Variants in PDK1 observed in about 807,000 individuals in gnomAD.
PDK1 encodes pyruvate dehydrogenase kinase 1, also known as [Pyruvate dehydrogenase (acetyl-transferring)] kinase isozyme 1, mitochondrial.
Under a neutral mutation model 54.2 loss-of-function variants are expected in PDK1, and 39 were observed. That is an observed-to-expected ratio of 0.72 (90% confidence interval 0.56 to 0.94). The LOEUF (loss-of-function observed/expected upper bound fraction) is 0.94. PDK1 is among the 40% of genes least tolerant of loss of function. The probability of loss-of-function intolerance (pLI) is 0.00; values close to 1 mark genes in which losing one functional copy is unlikely to be tolerated. For missense variants in PDK1, 552 were observed against 566.0 expected (o/e 0.98, Z 0.25); for synonymous variants, 221 against 207.1 (o/e 1.07, Z -0.58).
At chr2:172,681,075 G>A in the PDK1 span, among the ~76,000 whole-genome samples, 1 of 152,208 alleles carries the variant, frequency 6.6e-6, no homozygotes, top group Non-Finnish European at 1.5e-5. Flanking sequence ...GCTAGATATT[G>A]TGATCTCTCT....
At position 172,558,810 on chromosome 2, in the gene PDK1, A is replaced by G; in HGVS notation, c.299A>G (p.Asn100Ser). 6.2e-7 allele frequency: 1 copy of G among 1,611,912 alleles called. No homozygotes were observed. The highest frequency in any genetic ancestry group is 1.3e-5 in the African/African-American group (1 of 74,860). ...IMKEISLLPD[N>S]LLRTPSVQLV... ...AAAGAAATAAGTCTCCTTCCAGATA[A>G]TCTTCTCAGGACACCATCCGTTCAA... The change falls in exon 2 of 11, where the codon AAT (asparagine) becomes AGT (serine). Residue 100 changes from asparagine (N) to serine (S), a missense_variant. Transcript: ENST00000282077.
chr2:172,691,946 A>G, the PDK1 span, among the ~76,000 whole-genome samples: 1 of 152,250 alleles, frequency 6.6e-6, no homozygotes, highest in Non-Finnish European at 1.5e-5. Context: ...ATTGGATAGT[A>G]TAGTAAGAAT....
the PDK1 span, among the ~76,000 whole-genome samples, chr2:172,711,198 A>G: frequency 1.3e-5 from 2 of 152,232 alleles, no homozygotes; most frequent in Non-Finnish European, 2.9e-5. Flanking sequence ...GTTTAGCATT[A>G]ATAGTGACAT....
the PDK1 span, among the ~76,000 whole-genome samples, chr2:172,646,420 A>G: frequency 0.016 from 2,395 of 152,264 alleles, 64 homozygotes; most frequent in African/African-American, 0.055. Context: ...AGAGGCACCA[A>G]GTAATCTGTT....
intron 1 of PDK1, chr2:172,558,149 T>G (rs925144279): frequency 2.4e-4 from 36 of 152,372 alleles, no homozygotes; most frequent in African/African-American, 8.4e-4. Flanking sequence ...TAATTTATTT[T>G]TTTAAGGCTG....
At chr2:172,700,221 T>C in the PDK1 span, among the ~76,000 whole-genome samples, 1 of 152,204 alleles carries the variant, frequency 6.6e-6, no homozygotes, top group Non-Finnish European at 1.5e-5. Flanking sequence ...CCCTTTCTAT[T>C]CGACAAAACC....
At chr2:172,619,338 C>T in the PDK1 span, among the ~76,000 whole-genome samples, 2 of 152,176 alleles carry the variant, frequency 1.3e-5, no homozygotes, top group African/African-American at 4.8e-5. Flanking sequence ...GAGGATTTCT[C>T]CTCTGTCTTC....
At chr2:172,722,972 T>C in the PDK1 span, among the ~76,000 whole-genome samples, 92 of 152,060 alleles carry the variant, frequency 6.1e-4, 1 homozygote, top group African/African-American at 2.2e-3. Flanking sequence ...TAGTAAAACA[T>C]TTTTGAAGGC....
the PDK1 span, among the ~76,000 whole-genome samples, chr2:172,704,228 C>A: frequency 6.6e-6 from 1 of 152,122 alleles, no homozygotes; most frequent in Non-Finnish European, 1.5e-5. Flanking sequence ...CGGCTCCTGG[C>A]ACGACAGCGA....
At chr2:172,555,640 C>CACCGCGGT (rs1688268785), upstream of PDK1, 1 of 152,282 alleles carries the variant, frequency 6.6e-6, no homozygotes, top group Non-Finnish European at 1.5e-5. Context: ...CGCAGCACGA[C>CACCGCGGT]ACCGCGGTGT....
the PDK1 span, among the ~76,000 whole-genome samples, chr2:172,629,928 A>T: frequency 6.6e-6 from 1 of 152,176 alleles, no homozygotes; most frequent in South Asian, 2.1e-4. Context: ...TCCTGTGAGG[A>T]GGTCAAGGGA....
At chr2:172,561,146 A>T (rs959155028) in intron 2 of PDK1, among the ~76,000 whole-genome samples, 6 of 152,230 alleles carry the variant, frequency 3.9e-5, no homozygotes, top group Non-Finnish European at 7.3e-5. Context: ...ATAATATTCC[A>T]TGGAAGATTT....
chr2:172,582,993 G>A (rs771722715), intron 8 of PDK1, among the ~76,000 whole-genome samples: 3 of 152,120 alleles, frequency 2.0e-5, no homozygotes, highest in Non-Finnish European at 4.4e-5. Context: ...TACAGTCTCC[G>A]TGGCCAAAAG....
the PDK1 span, among the ~76,000 whole-genome samples, chr2:172,637,998 A>AT: frequency 3.3e-5 from 5 of 152,088 alleles, no homozygotes; most frequent in Admixed American, 3.3e-4. Flanking sequence ...CCCAGCCTGC[A>AT]TTTATTTTTT....
chr2:172,587,658 C>T (rs1465574171), intron 9 of PDK1, among the ~76,000 whole-genome samples: 1 of 149,604 alleles, frequency 6.7e-6, no homozygotes, highest in Non-Finnish European at 1.5e-5. Context: ...CTTGCCGCTG[C>T]TGGCTGTGGG....
At chr2:172,668,900 TATATATAG>T in the PDK1 span, among the ~76,000 whole-genome samples, 1 of 78,750 alleles carries the variant, frequency 1.3e-5, no homozygotes, top group African/African-American at 4.8e-5. Context: ...CACACATATA[TATATATAG>T]AGAGAGAGAG....
downstream of PDK1, among the ~76,000 whole-genome samples, chr2:172,612,139 G>T (rs948032660): frequency 6.6e-6 from 1 of 152,126 alleles, no homozygotes; most frequent in Non-Finnish European, 1.5e-5. Flanking sequence ...CCTATGGTAC[G>T]CACTTTATTG....
At chr2:172,557,638 TGTGTGTGTA>T (rs1350293775) in intron 1 of PDK1, among the ~76,000 whole-genome samples, 1 of 151,312 alleles carries the variant, frequency 6.6e-6, no homozygotes, top group Non-Finnish European at 1.5e-5. Context: ...TGTGTGTGTG[TGTGTGTGTA>T]TTTTTTTTTA....
At chr2:172,682,922 T>G in the PDK1 span, among the ~76,000 whole-genome samples, 3 of 152,198 alleles carry the variant, frequency 2.0e-5, no homozygotes, top group South Asian at 4.1e-4. Flanking sequence ...TAGACTTTCA[T>G]GACAAAAAAG....
Sources: gnomAD v4.1 joint callset for allele counts (sites outside exome capture counted in the v4.1 genomes callset) on GRCh38, gnomAD v4.1.1 for gene constraint, MANE v1.5 for transcripts, NCBI Gene and HGNC (gene_info 2026-07-23, HGNC 2026-07-21) for gene names.